The following EIF3K variants were observed in gnomAD, a reference collection of about 807,000 sequenced individuals.
EIF3K encodes the protein eukaryotic translation initiation factor 3 subunit K, also known as eIF-3 p28.
Under a neutral mutation model 34.2 loss-of-function variants are expected in EIF3K, and 27 were observed. That is an observed-to-expected ratio of 0.79 (90% CI 0.58 to 1.09). EIF3K has a LOEUF of 1.09. EIF3K is among the 50% of genes least tolerant of loss of function. The pLI is 0.00. For synonymous variants in EIF3K, 105 were observed against 105.7 expected, an observed-to-expected ratio of 0.99 and a Z score of 0.04; for missense variants, 232 against 275.4, an observed-to-expected ratio of 0.84 and a Z score of 1.11.
chr19:38,635,166 C>A, intron 7 of EIF3K, 48 bp downstream of exon 7: 1 of 1,612,724 alleles, frequency 6.2e-7, no homozygotes. Context: ...GGGGGTGCCC[C>A]TCAAGGGAGG....
intron 2 of EIF3K, among the ~76,000 whole-genome samples, chr19:38,622,640 G>A (rs993136137): frequency 8.5e-5 from 13 of 152,134 alleles, no homozygotes; most frequent in African/African-American, 2.2e-4. Context: ...GAGATCAACC[G>A]GTCTGACCAA....
chr19:38,623,992 C>T, intron 2 of EIF3K, 85 bp from the exon 3 acceptor site: 1 of 1,593,702 alleles, frequency 6.3e-7, no homozygotes, highest in African/African-American at 1.3e-5. Flanking sequence ...TCCCAAACTC[C>T]AGAATAAAGC....
rs569211669 is a variant in EIF3K at position 38,627,616 on chromosome 19, T to C, written c.354+1514T>C. On this transcript the variant is annotated intron_variant, in intron 4 of 7. Coordinates refer to ENST00000248342, the MANE Select transcript of EIF3K (RefSeq NM_013234.4). ...TGGGTTCAACCTCACCCAGAGGTTATGGTGAGCTGAGATCATGCCGTTGCA... is the reference window on the plus strand; with the variant it reads ...TGGGTTCAACCTCACCCAGAGGTTACGGTGAGCTGAGATCATGCCGTTGCA... Among the ~76,000 whole-genome samples, 400 of 151,578 alleles carry C rather than the reference T, an allele frequency of 2.6e-3. 2 individuals carry two copies. Among genetic ancestry groups the C allele is most frequent in the Non-Finnish European group, 4.6e-3 (313 of 67,882 alleles).
At chr19:38,628,662 T>A (rs564246650) in intron 4 of EIF3K, 1 of 152,302 alleles carries the variant, frequency 6.6e-6, no homozygotes, top group African/African-American at 2.4e-5. Flanking sequence ...CCATCTCTAC[T>A]AAAAATACAA....
At position 38,620,447 on chromosome 19, in the gene EIF3K, G is replaced by A; in HGVS notation, c.158+12G>A. On this transcript the variant is annotated intron_variant, in intron 2 of 7. Coordinates refer to ENST00000248342, the MANE Select transcript of EIF3K (RefSeq NM_013234.4). ...GCTGTCCTGAAGCTGTAAGTGTCTAGCTCTCTGTCTACACTCCCATTGCAG... is the reference window on the plus strand; with the variant it reads ...GCTGTCCTGAAGCTGTAAGTGTCTAACTCTCTGTCTACACTCCCATTGCAG... The A allele has an allele frequency of 6.2e-7, 1 of 1,611,532 alleles. No individual in the cohort carries two copies.
At chr19:38,633,801 C>T (rs945079419) in intron 6 of EIF3K, among the ~76,000 whole-genome samples, 17 of 151,990 alleles carry the variant, frequency 1.1e-4, no homozygotes, top group African/African-American at 3.6e-4. Context: ...GGGGAAACCC[C>T]GTCTCTACTA....
intron 4 of EIF3K, chr19:38,626,366 T>C (rs1568653506): frequency 4.6e-6 from 2 of 434,498 alleles, no homozygotes; most frequent in African/African-American, 2.0e-5. Context: ...TCAGAAGTCC[T>C]CCAGTGGCTG....
intron 2 of EIF3K, among the ~76,000 whole-genome samples, chr19:38,620,949 C>G (rs993513146): frequency 6.6e-6 from 1 of 151,970 alleles, no homozygotes; most frequent in Admixed American, 6.6e-5. Context: ...TGCCTGTAAT[C>G]CCAGCACTTT....
At position 38,619,331 on chromosome 19, in the gene EIF3K, T is replaced by G. The variant is rs1313431534; in HGVS notation, c.59+4T>G. On this transcript the variant is annotated splice_donor_region_variant and intron_variant, in intron 1 of 7. Transcript: ENST00000248342. Reference sequence around the variant, plus strand: ...AGTTGCTCAAGGGTATCGACAGGTCTGAGCCCGGTTGGAGGAAGCGCTCTG... The same window carrying G: ...AGTTGCTCAAGGGTATCGACAGGTCGGAGCCCGGTTGGAGGAAGCGCTCTG... The G allele has an allele frequency of 6.2e-7, 1 of 1,613,744 alleles. No homozygotes were observed. Among genetic ancestry groups the G allele is most frequent in the Admixed American group, 1.7e-5 (1 of 60,006 alleles).
At chr19:38,629,237 A>G (rs1253080605) in intron 4 of EIF3K, among the ~76,000 whole-genome samples, 1 of 152,110 alleles carries the variant, frequency 6.6e-6, no homozygotes, top group African/African-American at 2.4e-5. Flanking sequence ...GACCTATTCC[A>G]TGGAACAGAT....
intron 7 of EIF3K, 81 bp from the exon 8 acceptor site, chr19:38,636,808 G>T: frequency 6.5e-7 from 1 of 1,531,526 alleles, no homozygotes; most frequent in South Asian, 1.1e-5. Flanking sequence ...TCCCCCTAAA[G>T]AATTGTGGGT....
intron 4 of EIF3K, 194 bp from the exon 5 acceptor site, chr19:38,632,236 T>G (rs1976084872): frequency 1.0e-5 from 6 of 573,750 alleles, no homozygotes; most frequent in Admixed American, 6.0e-5. Flanking sequence ...GGCAATATAG[T>G]GAGACCTCGT....
At chr19:38,632,734 T>C in intron 6 of EIF3K, 56 bp downstream of exon 6, 4 of 1,505,520 alleles carry the variant, frequency 2.7e-6, no homozygotes, top group Non-Finnish European at 3.6e-6. Flanking sequence ...GCTAGGGCAG[T>C]GGACCTCAGT....
At chr19:38,623,251 C>T (rs1157714999) in intron 2 of EIF3K, among the ~76,000 whole-genome samples, 1 of 152,222 alleles carries the variant, frequency 6.6e-6, no homozygotes, top group African/African-American at 2.4e-5. Flanking sequence ...TCACAATCCA[C>T]GTTCTTCTGT....
In EIF3K at chr19:38,620,402, A is replaced by G. The variant is rs774303606; in HGVS notation, c.125A>G (p.Tyr42Cys). 2.5e-6 allele frequency: 4 copies of G among 1,613,910 alleles called. No homozygotes were observed. Among genetic ancestry groups the G allele is most frequent in the Admixed American group, 1.7e-5 (1 of 59,978 alleles). ...GAGACGCAGGCCAAGGAAAATGCCTATGATCTGGAAGCCAACCTGGCTGTC... is the reference window on the plus strand; with the variant it reads ...GAGACGCAGGCCAAGGAAAATGCCTGTGATCTGGAAGCCAACCTGGCTGTC... ...YVETQAKENA[Y>C]DLEANLAVLK... Residue 42 changes from tyrosine (Y) to cysteine (C), a missense_variant, in exon 2 of 8, where the codon TAT becomes TGT. Transcript: ENST00000248342.
At chr19:38,619,410 T>A in intron 1 of EIF3K, 83 bp downstream of exon 1, 4 of 1,512,520 alleles carry the variant, frequency 2.6e-6, no homozygotes, top group Non-Finnish European at 3.6e-6. Flanking sequence ...GTGTTCAGGG[T>A]CCTGGGCTTG....
chr19:38,628,829 AAAAAG>A (rs2144773250), intron 4 of EIF3K, among the ~76,000 whole-genome samples: 1 of 152,168 alleles, frequency 6.6e-6, no homozygotes, highest in Non-Finnish European at 1.5e-5. Flanking sequence ...CTCAAAAAAA[AAAAAG>A]AGAAAAAATG....
intron 4 of EIF3K, chr19:38,628,532 T>A (rs1340346845): frequency 6.5e-6 from 1 of 152,678 alleles, no homozygotes; most frequent in Non-Finnish European, 1.5e-5. Context: ...TTCTCTTAAA[T>A]CGCATGTGCT....
chr19:38,629,591 G>A (rs753366258), intron 4 of EIF3K, among the ~76,000 whole-genome samples: 9 of 152,176 alleles, frequency 5.9e-5, no homozygotes, highest in Non-Finnish European at 1.0e-4. Flanking sequence ...ACCACGCCCG[G>A]CCACAAATCT....
Sources: allele counts gnomAD v4.1 joint callset (sites outside exome capture counted in the v4.1 genomes callset), GRCh38; gene constraint gnomAD v4.1.1; transcripts MANE v1.5; gene names NCBI Gene and HGNC (gene_info 2026-07-23, HGNC 2026-07-21).